Variants in CBLB observed in about 807,000 individuals in gnomAD.
The protein encoded by CBLB is E3 ubiquitin-protein ligase CBL-B.
A neutral mutation model predicts 104.9 loss-of-function variants in CBLB; 31 were observed. The ratio of observed to expected loss-of-function variants is 0.30; its 90% CI spans 0.22 to 0.40. The LOEUF (loss-of-function observed/expected upper bound fraction) is 0.40, where lower values mean the gene tolerates loss of function less well. Among genes scored for constraint, CBLB ranks in the 10% least tolerant of loss-of-function variants. The pLI is 1.00. For missense variants in CBLB, 1,062 were observed against 1,214.6 expected, an observed-to-expected ratio of 0.87 and a Z score of 1.87; for synonymous variants, 440 against 422.6, an observed-to-expected ratio of 1.04 and a Z score of -0.51.
chr3:105,720,509 C>G (rs1367122016), intron 9 of CBLB, among the ~76,000 whole-genome samples: 1 of 152,118 alleles, frequency 6.6e-6, no homozygotes, highest in Admixed American at 6.6e-5. Context: ...GAAGAAACCT[C>G]TTTATTTTCC....
chr3:105,853,656 C>T lies in CBLB; in HGVS notation c.177G>A (p.Leu59=), dbSNP rs2091240848. Residue 59 remains leucine (L), a synonymous_variant, in exon 3 of 19, where the codon CTG becomes CTA. Transcript: ENST00000394030. ...TCAACTGAAGTTTGGGATTTTGGCA[C>T]AGTCTTACCTAAAAACAAAGATAAA... The part of the protein sequence containing the change: ...TWKLMDKVVR[L]CQNPKLQLKN... 2.5e-6 allele frequency: 4 copies of T among 1,599,902 alleles called. No homozygotes were observed. The East Asian group carries it at 8.9e-5, about 36-fold the overall frequency.
intron 6 of CBLB, 70 bp downstream of exon 6, chr3:105,745,847 T>C: frequency 2.7e-6 from 4 of 1,460,660 alleles, no homozygotes; most frequent in Non-Finnish European, 9.6e-7. Context: ...GCTGACTTAC[T>C]TAGGAACAAA....
At chr3:105,838,455 T>C (rs1577699584) in intron 3 of CBLB, among the ~76,000 whole-genome samples, 1 of 151,764 alleles carries the variant, frequency 6.6e-6, no homozygotes, top group African/African-American at 2.4e-5. Context: ...GGCATGGGGA[T>C]AGAGTGGGAA....
intron 9 of CBLB, among the ~76,000 whole-genome samples, chr3:105,726,307 T>C (rs1482698144): frequency 1.3e-5 from 2 of 152,234 alleles, no homozygotes; most frequent in African/African-American, 2.4e-5. Context: ...TATTGATTTT[T>C]TTGTAAATTA....
intron 2 of CBLB, among the ~76,000 whole-genome samples, chr3:105,857,167 T>C (rs28360902): frequency 6.6e-6 from 1 of 152,332 alleles, no homozygotes; most frequent in South Asian, 2.1e-4. Context: ...GTATTTTTTT[T>C]CCAGACATTC....
At chr3:105,698,198 T>G (rs952636131) in intron 12 of CBLB, among the ~76,000 whole-genome samples, 1 of 152,182 alleles carries the variant, frequency 6.6e-6, no homozygotes, top group East Asian at 1.9e-4. Flanking sequence ...AGTAAATGAA[T>G]ATCACAAAAA....
intron 5 of CBLB, among the ~76,000 whole-genome samples, chr3:105,747,911 T>C (rs2076260810): frequency 6.6e-6 from 1 of 152,184 alleles, no homozygotes; most frequent in Non-Finnish European, 1.5e-5. Context: ...TGCTACAGTA[T>C]TCAGCAACCA....
At chr3:105,801,411 T>C (rs2082852320) in intron 3 of CBLB, among the ~76,000 whole-genome samples, 2 of 152,232 alleles carry the variant, frequency 1.3e-5, no homozygotes, top group Admixed American at 6.5e-5. Context: ...TGTGTTTAGC[T>C]ACTTTAAGTA....
chr3:105,765,239 G>A (rs1330298270), intron 4 of CBLB, among the ~76,000 whole-genome samples: 1 of 152,110 alleles, frequency 6.6e-6, no homozygotes, highest in Non-Finnish European at 1.5e-5. Context: ...TAGCTTCAAA[G>A]CTACATGATG....
At chr3:105,692,506 A>G (rs2067836566) in intron 13 of CBLB, among the ~76,000 whole-genome samples, 1 of 152,196 alleles carries the variant, frequency 6.6e-6, no homozygotes, top group Non-Finnish European at 1.5e-5. Context: ...TAGGATAAAG[A>G]TTAGGAAAAG....
At chr3:105,782,101 C>T (rs1202780233) in intron 3 of CBLB, among the ~76,000 whole-genome samples, 1 of 152,086 alleles carries the variant, frequency 6.6e-6, no homozygotes, top group Non-Finnish European at 1.5e-5. Flanking sequence ...GTAAGCCTTG[C>T]CTTTCATTTT....
At chr3:105,674,436 G>T (rs2065385929) in intron 17 of CBLB, among the ~76,000 whole-genome samples, 1 of 152,204 alleles carries the variant, frequency 6.6e-6, no homozygotes, top group Admixed American at 6.5e-5. Flanking sequence ...CTAGCTTTCA[G>T]AGTTGAACTG....
chr3:105,740,394 T>C, intron 7 of CBLB, 100 bp downstream of exon 7: 2 of 1,233,876 alleles, frequency 1.6e-6, no homozygotes, highest in East Asian at 2.3e-5. Flanking sequence ...AGTCTTAACA[T>C]AAAAAGCAGC....
rs1374395864 is a variant in CBLB, at chr3:105,657,238, C to A, written c.*1732G>T. On this transcript the variant is annotated 3_prime_UTR_variant, in exon 19 of 19. Transcript: ENST00000394030. ...TCTTTTGTATAACATTAATTTCCAC[C>A]AGATCTACTAGATGTTCAGTCATGT... 3.2e-5 allele frequency: 7 copies of A among 220,752 alleles called. No homozygotes were observed. The highest frequency in any genetic ancestry group is 9.1e-6 in the Non-Finnish European group (1 of 110,228). 13.7% of individuals were successfully genotyped at this position (220,752 alleles called of 1,614,324 possible).
chr3:105,719,990 T>C lies in CBLB; in HGVS notation c.1407+57A>G, dbSNP rs909202926. On this transcript the variant is annotated intron_variant, in intron 10 of 18. Coordinates refer to ENST00000394030, the MANE Select transcript of CBLB (RefSeq NM_170662.5). ...GAGTCATACTCCATTTATGACGGCA[T>C]CATTTCCTTTTCATATGGTCACATC... The C allele has an allele frequency of 2.4e-6, 3 of 1,267,896 alleles. No homozygotes were observed. The African/African-American group carries it at 4.4e-5, about 19-fold the overall frequency. 78.5% of individuals were successfully genotyped at this position (1,267,896 alleles called of 1,614,324 possible).
intron 3 of CBLB, among the ~76,000 whole-genome samples, chr3:105,791,903 A>G (rs1002125660): frequency 6.6e-5 from 10 of 152,218 alleles, no homozygotes; most frequent in African/African-American, 2.4e-4. Flanking sequence ...AATATTTTAT[A>G]TATGCCACAA....
At chr3:105,863,887 A>T (rs916440444) in intron 2 of CBLB, among the ~76,000 whole-genome samples, 8 of 152,204 alleles carry the variant, frequency 5.3e-5, no homozygotes, top group Admixed American at 1.3e-4. Flanking sequence ...TTTCCTAAGC[A>T]TCCATGTATG....
chr3:105,825,512 C>G (rs554603404), intron 3 of CBLB, among the ~76,000 whole-genome samples: 1 of 152,294 alleles, frequency 6.6e-6, no homozygotes, highest in Admixed American at 6.5e-5. Context: ...GAGTCAGGCT[C>G]AGTAACTCAT....
chr3:105,728,823 G>A (rs2073984151), intron 9 of CBLB, among the ~76,000 whole-genome samples: 3 of 152,232 alleles, frequency 2.0e-5, no homozygotes, highest in Admixed American at 2.0e-4. Context: ...CACCTCTTCA[G>A]AGGCATGACT....
Sources: allele counts gnomAD v4.1 joint callset (sites outside exome capture counted in the v4.1 genomes callset), GRCh38; gene constraint gnomAD v4.1.1; transcripts MANE v1.5; gene names NCBI Gene and HGNC (gene_info 2026-07-23, HGNC 2026-07-21).